Variants in SLC35F4 observed in about 807,000 individuals in gnomAD.
The protein encoded by SLC35F4 is chromosome 14 open reading frame 36.
A neutral mutation model predicts 44.2 loss-of-function variants in SLC35F4; 24 were observed. The ratio of observed to expected loss-of-function variants is 0.54; its 90% CI spans 0.39 to 0.76. SLC35F4 has a LOEUF of 0.76. Among genes scored for constraint, SLC35F4 ranks in the 30% least tolerant of loss-of-function variants. The probability of loss-of-function intolerance (pLI) is 0.00; values close to 1 mark genes in which losing one functional copy is unlikely to be tolerated. For synonymous variants in SLC35F4, 238 were observed against 223.6 expected (o/e 1.06, Z -0.57); for missense variants, 562 against 586.1 (o/e 0.96, Z 0.42).
chr14:57,932,881 A>G (rs1335505483), intron 1 of SLC35F4, among the ~76,000 whole-genome samples: 1 of 152,094 alleles, frequency 6.6e-6, no homozygotes, highest in Non-Finnish European at 1.5e-5. Context: ...CTGTGTGTAT[A>G]TTAGAGAGAA....
At chr14:57,863,559 C>G (rs1426546547) in intron 1 of SLC35F4, among the ~76,000 whole-genome samples, 1 of 152,194 alleles carries the variant, frequency 6.6e-6, no homozygotes, top group Non-Finnish European at 1.5e-5. Context: ...CCAGACTTCC[C>G]CTAAGCTGTT....
intron 1 of SLC35F4, among the ~76,000 whole-genome samples, chr14:57,747,270 T>C (rs560896585): frequency 1.5e-4 from 23 of 152,326 alleles, no homozygotes; most frequent in African/African-American, 5.3e-4. Flanking sequence ...TGGGCATTGC[T>C]GGGCTTCATG....
At chr14:57,627,469 T>C (rs913218718) in intron 1 of SLC35F4, among the ~76,000 whole-genome samples, 15 of 151,088 alleles carry the variant, frequency 9.9e-5, no homozygotes, top group African/African-American at 2.2e-4. Flanking sequence ...TGTTAGCTAA[T>C]TGCTTATGGA....
At chr14:57,795,090 T>C (rs796675283) in intron 1 of SLC35F4, among the ~76,000 whole-genome samples, 70 of 152,288 alleles carry the variant, frequency 4.6e-4, no homozygotes, top group African/African-American at 1.7e-3. Flanking sequence ...AACTAGGATT[T>C]AAATGAGCTA....
At chr14:57,974,927 C>T (rs920491858), downstream of SLC35F4, among the ~76,000 whole-genome samples, 1 of 152,150 alleles carries the variant, frequency 6.6e-6, no homozygotes, top group Non-Finnish European at 1.5e-5. Context: ...AAATCTAATG[C>T]CTCAGAGGCT....
At chr14:57,694,826 TTC>T (rs762521663) in intron 1 of SLC35F4, among the ~76,000 whole-genome samples, 3 of 152,166 alleles carry the variant, frequency 2.0e-5, no homozygotes, top group South Asian at 2.1e-4. Context: ...TTTTTAAACT[TTC>T]TGTTTATTGC....
chr14:57,661,303 G>A (rs2074129591), intron 1 of SLC35F4, among the ~76,000 whole-genome samples: 1 of 152,064 alleles, frequency 6.6e-6, no homozygotes, highest in African/African-American at 2.4e-5. Context: ...GAACCCAGAG[G>A]AGCCCTTTTA....
intron 1 of SLC35F4, among the ~76,000 whole-genome samples, chr14:57,801,630 G>C (rs1206754226): frequency 6.6e-6 from 1 of 152,154 alleles, no homozygotes; most frequent in Non-Finnish European, 1.5e-5. Context: ...ATAAAGAGAT[G>C]GAGGAAAATT....
At chr14:57,681,517 G>A (rs2074903468) in intron 1 of SLC35F4, among the ~76,000 whole-genome samples, 1 of 152,030 alleles carries the variant, frequency 6.6e-6, no homozygotes, top group Non-Finnish European at 1.5e-5. Context: ...TTGGATTAAA[G>A]ACTTAGACAT....
intron 1 of SLC35F4, among the ~76,000 whole-genome samples, chr14:57,689,937 C>G (rs1236194944): frequency 6.6e-6 from 1 of 152,072 alleles, no homozygotes; most frequent in Non-Finnish European, 1.5e-5. Context: ...TTTGTTTTAG[C>G]ATGTAACCAC....
chr14:57,614,623 G>A (rs238402), intron 1 of SLC35F4, among the ~76,000 whole-genome samples: 102,965 of 152,106 alleles, frequency 0.68, 35,630 homozygotes, highest in Non-Finnish European at 0.75. Flanking sequence ...TTAAAAGGAG[G>A]TGTGTGTGCA....
chr14:57,581,131 C>T (rs923182043), intron 4 of SLC35F4, 83 bp downstream of exon 4: 20 of 1,362,166 alleles, frequency 1.5e-5, no homozygotes, highest in African/African-American at 5.9e-5. Flanking sequence ...AGCAACTCCA[C>T]GAAACAAAGC....
upstream of SLC35F4, among the ~76,000 whole-genome samples, chr14:57,868,226 C>T (rs10147933): frequency 4.3e-4 from 65 of 152,076 alleles, no homozygotes; most frequent in African/African-American, 1.5e-3. Flanking sequence ...AATAGCAAAG[C>T]ACTTACAAAT....
chr14:57,658,758 T>C (rs963646816), intron 1 of SLC35F4, among the ~76,000 whole-genome samples: 1 of 152,064 alleles, frequency 6.6e-6, no homozygotes, highest in African/African-American at 2.4e-5. Context: ...ATGTCACCTG[T>C]CTAAATCACT....
intron 1 of SLC35F4, among the ~76,000 whole-genome samples, chr14:57,660,222 G>A (rs2074094955): frequency 6.6e-6 from 1 of 152,144 alleles, no homozygotes; most frequent in African/African-American, 2.4e-5. Context: ...TTTGGATGGT[G>A]AACATTTGCA....
chr14:57,954,893 T>C lies in SLC35F4; in HGVS notation n.282+27020A>G, dbSNP rs1472897325. Among the ~76,000 whole-genome samples the C allele has an allele frequency of 5.1e-5, 6 of 116,662 alleles. No individual in the cohort carries two copies. The East Asian group carries it at 7.2e-4, about 14-fold the overall frequency. The allele number at this position is 116,662 out of a possible 152,430, so 76.5% of individuals were successfully genotyped here. A position where few individuals can be genotyped will look rare whatever the true frequency, so the allele number is the denominator to read the frequency against. On this transcript the variant is annotated intron_variant and non_coding_transcript_variant, in intron 1 of 1. Coordinates refer to the SLC35F4 transcript ENST00000556568. Reference sequence around the variant, plus strand: ...TTCCTTTTGAAACTATTCCAGACAATAGAAAAAGAGGCACTCTTCCCTAAC... The same window carrying C: ...TTCCTTTTGAAACTATTCCAGACAACAGAAAAAGAGGCACTCTTCCCTAAC...
At chr14:57,588,153 C>T (rs1367770589) in intron 3 of SLC35F4, among the ~76,000 whole-genome samples, 1 of 152,140 alleles carries the variant, frequency 6.6e-6, no homozygotes. Context: ...GGTGACAGAG[C>T]AAGACTCTGT....
At chr14:57,958,641 G>A (rs1046426589) in intron 1 of SLC35F4, among the ~76,000 whole-genome samples, 1 of 152,074 alleles carries the variant, frequency 6.6e-6, no homozygotes, top group South Asian at 2.1e-4. Context: ...AAAAGGGTGA[G>A]TGTTATGATA....
rs60210993 is a variant in SLC35F4, at chr14:57,941,101, T to A, written n.282+40812A>T. Among the ~76,000 whole-genome samples, 766 of 152,310 alleles carry A rather than the reference T, an allele frequency of 5.0e-3. 5 individuals are homozygous for A. Among genetic ancestry groups the A allele is most frequent in the African/African-American group, 0.017 (723 of 41,550 alleles). On this transcript the variant is annotated intron_variant and non_coding_transcript_variant, in intron 1 of 1. Transcript: ENST00000556568. ...CCCTTGTACATTACTGGTGGGGATG[T>A]ATAATAATGCAATCTCTGTGGAAAA... is the stretch of plus-strand genomic sequence containing the variant.
Sources: allele counts gnomAD v4.1 joint callset (sites outside exome capture counted in the v4.1 genomes callset), GRCh38; gene constraint gnomAD v4.1.1; transcripts MANE v1.5; gene names NCBI Gene and HGNC (gene_info 2026-07-23, HGNC 2026-07-21).